Variants in DMXL2 observed in about 807,000 individuals in gnomAD.
DMXL2 encodes dmX-like protein 2.
A neutral mutation model predicts 331.1 loss-of-function variants in DMXL2; 103 were observed. The ratio of observed to expected loss-of-function variants is 0.31; its 90% CI spans 0.27 to 0.37. DMXL2 has a LOEUF of 0.37. DMXL2 is among the 10% of genes least tolerant of loss of function. The pLI is 1.00. For synonymous variants in DMXL2, 1,281 were observed against 1,252.1 expected (o/e 1.02, Z -0.49); for missense variants, 3,171 against 3,642.9 (o/e 0.87, Z 3.33).
At chr15:51,477,677 T>C (rs1458352672) in intron 26 of DMXL2, among the ~76,000 whole-genome samples, 1 of 152,100 alleles carries the variant, frequency 6.6e-6, no homozygotes, top group Non-Finnish European at 1.5e-5. Flanking sequence ...AAATCTAGGT[T>C]ATCTTTCCAA....
rs1596061325 is a variant in DMXL2 at position 51,509,830 on chromosome 15, C to T, written c.2645-2577G>A. The stretch of plus-strand genomic sequence containing the variant: ...CAATAAAATACTGGCAAACCGAATC[C>T]AGCAGCACATCAAAAAGCTTATCCA... On this transcript the variant is annotated intron_variant, in intron 15 of 43. Transcript: ENST00000560891. Among the ~76,000 whole-genome samples, 3 of 152,272 alleles carry T rather than the reference C, an allele frequency of 2.0e-5. No homozygotes were observed. In the South Asian group the frequency reaches 6.2e-4, roughly 32 times the overall value.
At chr15:51,610,712 G>C (rs1376753320) in intron 1 of DMXL2, among the ~76,000 whole-genome samples, 1 of 151,338 alleles carries the variant, frequency 6.6e-6, no homozygotes, top group Non-Finnish European at 1.5e-5. Flanking sequence ...AGCTTGCAGT[G>C]AGCCGAGATC....
At chr15:51,538,980 C>T (rs925616209) in intron 9 of DMXL2, among the ~76,000 whole-genome samples, 1 of 151,856 alleles carries the variant, frequency 6.6e-6, no homozygotes, top group Non-Finnish European at 1.5e-5. Context: ...GAGGGAGAGG[C>T]GGGTGGATTG....
At chr15:51,457,618 T>C in intron 36 of DMXL2, 152 bp from the exon 37 acceptor site, 1 of 804,392 alleles carries the variant, frequency 1.2e-6, no homozygotes, top group African/African-American at 1.8e-5. Context: ...TAATCGCCAA[T>C]GTTAATACTG....
At position 51,576,130 on chromosome 15, in the gene DMXL2, C is replaced by T; in HGVS notation, c.139G>A (p.Val47Ile). The T allele has an allele frequency of 7.0e-7, 1 of 1,431,404 alleles. No individual in the cohort carries two copies. The highest frequency in any genetic ancestry group is 1.6e-5 in the African/African-American group (1 of 62,646). The allele number at this position is 1,431,404 out of a possible 1,614,324, so 88.7% of individuals were successfully genotyped here. ...IVILANDFEC[V>I]QIIPGAKHGN... ...TGCTTAGCACCAGGAATGATCTGTA[C>T]ACATTCAAAGTCATTTGCCAAAATA... Residue 47 changes from valine to isoleucine, a missense_variant, in exon 2 of 44, where the codon GTA becomes ATA. Physicochemically the swap from Val to Ile is conservative, Grantham distance 29. Around this residue, in one of 7 missense-constraint regions of DMXL2, gnomAD observed 1,674 missense variants for 1,780.2 expected, o/e 0.94. Transcript: ENST00000560891.
At chr15:51,529,866 T>C (rs1017645415) in intron 13 of DMXL2, among the ~76,000 whole-genome samples, 3 of 151,996 alleles carry the variant, frequency 2.0e-5, no homozygotes, top group Admixed American at 2.0e-4. Flanking sequence ...AACAAAACAC[T>C]ACCAAGTAAA....
intron 6 of DMXL2, among the ~76,000 whole-genome samples, chr15:51,557,279 T>C (rs543818162): frequency 8.5e-4 from 130 of 152,300 alleles, no homozygotes; most frequent in Middle Eastern, 3.4e-3. Context: ...GATGATTCCA[T>C]TTATAACAGT....
intron 16 of DMXL2, among the ~76,000 whole-genome samples, chr15:51,505,770 C>A (rs1291459697): frequency 6.6e-6 from 1 of 152,096 alleles, no homozygotes; most frequent in East Asian, 1.9e-4. Flanking sequence ...ACAAATTATT[C>A]TTTCACTGTA....
intron 43 of DMXL2, among the ~76,000 whole-genome samples, chr15:51,449,887 T>C (rs1430595496): frequency 2.0e-5 from 3 of 152,096 alleles, no homozygotes; most frequent in Non-Finnish European, 4.4e-5. Context: ...TTACTCAAAA[T>C]AGAATGCTTT....
chr15:51,467,405 C>A (rs2140285029), intron 29 of DMXL2, among the ~76,000 whole-genome samples: 1 of 152,116 alleles, frequency 6.6e-6, no homozygotes, highest in South Asian at 2.1e-4. Flanking sequence ...TTAATAATAT[C>A]TCTAGATAAA....
intron 33 of DMXL2, among the ~76,000 whole-genome samples, chr15:51,461,761 A>G (rs1166975995): frequency 6.6e-6 from 1 of 152,164 alleles, no homozygotes; most frequent in African/African-American, 2.4e-5. Context: ...CCATGTTGCC[A>G]AGCTGGTCTC....
At position 51,565,164 on chromosome 15, in the gene DMXL2, T is replaced by A. The variant is rs2141049510; in HGVS notation, c.288A>T (p.Gln96His). The change falls in exon 4 of 44, where the codon CAA becomes CAT. Residue 96 changes from glutamine (Q) to histidine (H), a missense_variant and splice_region_variant. This residue lies in a region of DMXL2 where 1,674 missense variants were observed against 1,780.2 expected (regional missense o/e 0.94). Transcript: ENST00000560891. ...CAGTTTTAAGCCACTGGCACTTGAG[T>A]TGCTGAAATACGTAGACAAAAAGAA... ...LGINSHKRNC[Q>H]LKCQWLKTGQ... 6.4e-7 allele frequency: 1 copy of A among 1,566,986 alleles called. No homozygotes were observed. Among genetic ancestry groups the A allele is most frequent in the African/African-American group, 1.4e-5 (1 of 72,676 alleles).
chr15:51,453,359 A>T, intron 41 of DMXL2, 191 bp downstream of exon 41: 1 of 452,668 alleles, frequency 2.2e-6, no homozygotes, highest in Middle Eastern at 5.8e-4. Context: ...AATTACATAT[A>T]TTAGGAATAA....
rs752443483 is a variant in DMXL2, at chr15:51,450,197, T to C, written c.8899A>G (p.Ile2967Val). Reference protein sequence around the residue: ...IHTFQAHDSAIKALALDPYEE... With the variant: ...IHTFQAHDSAVKALALDPYEE... ...TAGGGATCCAAGGCCAGAGCCTTAA[T>C]AGCTGAGTCATGGGCCTGGAACGTG... The change falls in exon 43 of 44, where the codon ATT (isoleucine) becomes GTT (valine). Residue 2967 changes from isoleucine to valine, a missense_variant. This residue lies in a region of DMXL2 where 766 missense variants were observed against 940.5 expected (regional missense o/e 0.81). Coordinates refer to ENST00000560891, the MANE Select transcript of DMXL2 (RefSeq NM_001378457.1). 1.2e-6 allele frequency: 2 copies of C among 1,614,140 alleles called. No homozygotes were observed. The highest frequency in any genetic ancestry group is 1.7e-6 in the Non-Finnish European group (2 of 1,180,014).
chr15:51,543,382 G>T (rs1350737259), intron 8 of DMXL2, among the ~76,000 whole-genome samples: 1 of 152,052 alleles, frequency 6.6e-6, no homozygotes, highest in Non-Finnish European at 1.5e-5. Flanking sequence ...AATTTCTACA[G>T]CCCTTCTCAT....
At chr15:51,515,362 G>A (rs1032997062) in intron 14 of DMXL2, among the ~76,000 whole-genome samples, 13 of 152,086 alleles carry the variant, frequency 8.5e-5, no homozygotes, top group Admixed American at 2.0e-4. Context: ...CTTGGCATTG[G>A]ATGAGGAGTC....
At position 51,452,549 on chromosome 15, in the gene DMXL2, C is replaced by G. The variant is rs562443966; in HGVS notation, c.8697-852G>C. On this transcript the variant is annotated intron_variant, in intron 41 of 43. Coordinates refer to ENST00000560891, the MANE Select transcript of DMXL2 (RefSeq NM_001378457.1). ...AAATTAAAACTCCAATACGATACCA[C>G]CTTATTCCTGCAAGAATGGCCATAA... 1.2e-4 allele frequency among the ~76,000 whole-genome samples: 18 copies of G among 152,250 alleles called. No homozygotes were observed. The South Asian group carries it at 3.7e-3, about 32-fold the overall frequency.
chr15:51,622,531 C>G lies in DMXL2; in HGVS notation c.15G>C (p.Gln5His). 1.3e-6 allele frequency: 2 copies of G among 1,558,940 alleles called. No homozygotes were observed. Among genetic ancestry groups the G allele is most frequent in the East Asian group, 2.4e-5 (1 of 41,270 alleles). Residue 5 changes from glutamine to histidine, a missense_variant, in exon 1 of 44, where the codon CAG (glutamine) becomes CAC (histidine). Transcript: ENST00000560891. Reference protein sequence around the residue: MHLHQVLTGAVNPGD... With the variant: MHLHHVLTGAVNPGD... Reference sequence around the variant, plus strand: ...CAGGGTTGACAGCTCCGGTGAGGACCTGATGCAGATGCATCTCCGGAGCCC... The same window carrying G: ...CAGGGTTGACAGCTCCGGTGAGGACGTGATGCAGATGCATCTCCGGAGCCC...
In DMXL2 at chr15:51,512,346, TAAAC is replaced by T. The variant is rs141533665; in HGVS notation, c.2644+2092_2644+2095del. Reference sequence around the variant, plus strand: ...GGATATAGATTCAAACAAAAACACATAAACAAACAAAAAGCTCAACATTTTTTAG... The same window carrying T: ...GGATATAGATTCAAACAAAAACACATAAACAAAAAGCTCAACATTTTTTAG... On this transcript the variant is annotated intron_variant, in intron 15 of 43. Transcript: ENST00000560891. Among the ~76,000 whole-genome samples, 485 of 152,082 alleles carry T rather than the reference TAAAC, an allele frequency of 3.2e-3. 2 individuals are homozygous for T. Among genetic ancestry groups the T allele is most frequent in the East Asian group, 0.02 (103 of 5,180 alleles).
Sources: gnomAD v4.1 joint callset for allele counts (sites outside exome capture counted in the v4.1 genomes callset) on GRCh38, gnomAD v4.1.1 for gene constraint, gnomAD v4.1.1 regional missense constraint, MANE v1.5 for transcripts, NCBI Gene and HGNC (gene_info 2026-07-23, HGNC 2026-07-21) for gene names.